Variants in SYMPK observed in about 807,000 individuals in gnomAD.
The protein encoded by SYMPK is symplekin scaffold protein, also known as symplekin.
SYMPK carries 49 observed loss-of-function variants against 136.4 expected under a neutral mutation model. The ratio of observed to expected loss-of-function variants is 0.36; its 90% CI spans 0.29 to 0.46. The LOEUF (loss-of-function observed/expected upper bound fraction) is 0.46, where lower values mean the gene tolerates loss of function less well. Ranked by LOEUF, SYMPK falls within the 20% of genes least tolerant of loss-of-function variation. The pLI, the probability that SYMPK is intolerant of heterozygous loss-of-function variation, is 1.00. For missense variants in SYMPK, 1,365 were observed against 1,690.0 expected (o/e 0.81, Z 3.37); for synonymous variants, 766 against 713.0 (o/e 1.07, Z -1.19).
chr19:45,845,894 G>A (rs574748277), intron 7 of SYMPK, among the ~76,000 whole-genome samples: 1 of 152,256 alleles, frequency 6.6e-6, no homozygotes, highest in South Asian at 2.1e-4. Context: ...CACTTTAACT[G>A]GGGTGAGACA....
intron 1 of SYMPK, among the ~76,000 whole-genome samples, chr19:45,860,962 T>C (rs1234308902): frequency 2.0e-5 from 3 of 152,372 alleles, no homozygotes; most frequent in East Asian, 3.9e-4. Flanking sequence ...GCAGCATGGC[T>C]GCATATCTTC....
rs1474870873 is a variant in SYMPK, at chr19:45,822,224, T to C, written c.2791+532A>G. On this transcript the variant is annotated intron_variant, in intron 21 of 26. Coordinates refer to ENST00000245934, the MANE Select transcript of SYMPK (RefSeq NM_004819.3). ...AGCTCCGCCTCCCGGGTTCATGCCA[T>C]TCTCCTGCCTCAGCCTCCCGAGTAG... Among the ~76,000 whole-genome samples the C allele has an allele frequency of 2.7e-5, 4 of 149,894 alleles. No homozygotes were observed. The East Asian group carries it at 8.1e-4, about 30-fold the overall frequency.
chr19:45,817,676 G>A (rs1286017641), intron 23 of SYMPK, among the ~76,000 whole-genome samples: 1 of 152,142 alleles, frequency 6.6e-6, no homozygotes, highest in East Asian at 1.9e-4. Context: ...GATGCATCCT[G>A]GCCGGGCACA....
rs1324534157 is a variant in SYMPK at position 45,859,960 on chromosome 19, A to C, written c.-13+3098T>G. On this transcript the variant is annotated intron_variant, in intron 1 of 26. Coordinates refer to ENST00000245934, the MANE Select transcript of SYMPK (RefSeq NM_004819.3). ...ACACGGTAAGACTCCATCTAAAAAA[A>C]AAAAAAAAAAAAAAAAAAAATTAGC... 6.8e-5 allele frequency among the ~76,000 whole-genome samples: 10 copies of C among 146,106 alleles called. 1 individual carries two copies. Among genetic ancestry groups the C allele is most frequent in the African/African-American group, 2.7e-4 (10 of 37,244 alleles).
rs1023323415 is a variant in SYMPK at position 45,827,548 on chromosome 19, G to A, written c.2143C>T (p.His715Tyr). 11 of 1,614,030 alleles carry A rather than the reference G, an allele frequency of 6.8e-6. No homozygotes were observed. Among genetic ancestry groups the A allele is most frequent in the African/African-American group, 1.3e-5 (1 of 74,932 alleles). The change falls in exon 16 of 27, where the codon CAT becomes TAT. Residue 715 changes from histidine (H) to tyrosine (Y), a missense_variant. Physicochemically the swap from His to Tyr is moderately conservative, Grantham distance 83 (BLOSUM62 2). This residue lies in a region of SYMPK where 303 missense variants were observed against 326.6 expected (regional missense o/e 0.93). Transcript: ENST00000245934. ...TGGGAGCTGAGGTCGAGGAGGACAT[G>A]CAGGTACTGGAACTGGCGGGACGGG... ...KRPSRQFQYL[H>Y]VLLDLSSHEK...
rs190986276 is a variant in SYMPK at position 45,844,666 on chromosome 19, C to T, written c.677-466G>A. Reference sequence around the variant, plus strand: ...CTCCAGCCTGGGTGACAGAGTTGGACTCCATATTAAAAAAAAAAAAAATTT... The same window carrying T: ...CTCCAGCCTGGGTGACAGAGTTGGATTCCATATTAAAAAAAAAAAAAATTT... On this transcript the variant is annotated intron_variant, in intron 7 of 26. Transcript: ENST00000245934. Among the ~76,000 whole-genome samples the T allele has an allele frequency of 4.7e-5, 7 of 148,950 alleles. No individual in the cohort carries two copies. The Admixed American group carries it at 4.7e-4, about 10-fold the overall frequency.
chr19:45,845,001 TCA>T (rs1263739748), intron 7 of SYMPK, among the ~76,000 whole-genome samples: 1 of 152,226 alleles, frequency 6.6e-6, no homozygotes, highest in African/African-American at 2.4e-5. Flanking sequence ...GGGGTCTCCA[TCA>T]CAAGCATTTA....
chr19:45,859,668 A>G (rs976389353), intron 1 of SYMPK, among the ~76,000 whole-genome samples: 1 of 151,274 alleles, frequency 6.6e-6, no homozygotes, highest in African/African-American at 2.4e-5. Flanking sequence ...GTGGCTCACA[A>G]TTGTAAACCC....
chr19:45,844,212 A>G lies in SYMPK; in HGVS notation c.677-12T>C, dbSNP rs1169615788. ...TTCCCATAGCACGTCTAAGAGACAGAGAGGAGAACCAGTCAGTGGGATCCG... is the reference window on the plus strand; with the variant it reads ...TTCCCATAGCACGTCTAAGAGACAGGGAGGAGAACCAGTCAGTGGGATCCG... On this transcript the variant is annotated splice_polypyrimidine_tract_variant and intron_variant, in intron 7 of 26. Coordinates refer to ENST00000245934, the MANE Select transcript of SYMPK (RefSeq NM_004819.3). 4 of 1,564,528 alleles carry G rather than the reference A, an allele frequency of 2.6e-6. No homozygotes were observed. In the African/African-American group the frequency reaches 4.1e-5, roughly 16 times the overall value.
intron 11 of SYMPK, among the ~76,000 whole-genome samples, chr19:45,834,164 T>C (rs1372515950): frequency 2.0e-5 from 3 of 152,176 alleles, no homozygotes; most frequent in Non-Finnish European, 4.4e-5. Context: ...GGCAGGCGCC[T>C]GTAGTCCCAG....
At chr19:45,847,676 G>A in intron 7 of SYMPK, 76 bp downstream of exon 7, 2 of 1,529,886 alleles carry the variant, frequency 1.3e-6, no homozygotes, top group South Asian at 1.2e-5. Flanking sequence ...AAAGACAAGG[G>A]GGAGAGAGGG....
chr19:45,851,690 A>G (rs571618241), intron 5 of SYMPK, among the ~76,000 whole-genome samples: 2 of 152,216 alleles, frequency 1.3e-5, no homozygotes, highest in East Asian at 1.9e-4. Context: ...CCTGGCCAAC[A>G]TTGCAAAACC....
chr19:45,857,927 T>A (rs1971873708), intron 1 of SYMPK, among the ~76,000 whole-genome samples: 1 of 151,812 alleles, frequency 6.6e-6, no homozygotes, highest in Non-Finnish European at 1.5e-5. Context: ...ATCTCCCAAG[T>A]AGCTGGGATT....
At chr19:45,837,140 A>G (rs1298258703) in intron 10 of SYMPK, among the ~76,000 whole-genome samples, 3 of 152,248 alleles carry the variant, frequency 2.0e-5, no homozygotes, top group Non-Finnish European at 4.4e-5. Flanking sequence ...ACAAAGAGCT[A>G]GTTATTTGAG....
rs1243172343 is a variant in SYMPK at position 45,823,810 on chromosome 19, T to C, written c.2556A>G (p.Ala852=). The C allele has an allele frequency of 6.2e-7, 1 of 1,614,002 alleles. No individual in the cohort carries two copies. The highest frequency in any genetic ancestry group is 8.5e-7 in the Non-Finnish European group (1 of 1,180,006). ...LLLVENCPKG[A]ETLVTRCLHS... is the part of the protein sequence containing the mutation. ...GCAGACATCTCGTGACCAGTGTCTC[T>C]GCTCCCTTGGGACAATTTTCCACCA... The change falls in exon 19 of 27, where the codon GCA becomes GCG. Residue 852 remains alanine (A), a synonymous_variant. Coordinates refer to ENST00000245934, the MANE Select transcript of SYMPK (RefSeq NM_004819.3).
At position 45,840,790 on chromosome 19, in the gene SYMPK, C is replaced by T. The variant is rs554349320; in HGVS notation, c.1087+1460G>A. On this transcript the variant is annotated intron_variant, in intron 9 of 26. Coordinates refer to ENST00000245934, the MANE Select transcript of SYMPK (RefSeq NM_004819.3). The stretch of plus-strand genomic sequence containing the variant: ...CCCGGGAGACAGAGGCTGCAGTGAG[C>T]CCAGATTACACCACTGCACTCCAAT... Among the ~76,000 whole-genome samples the T allele has an allele frequency of 4.6e-5, 7 of 151,930 alleles. No homozygotes were observed. The East Asian group carries it at 1.4e-3, about 30-fold the overall frequency.
chr19:45,855,410 C>T (rs1324584055), intron 1 of SYMPK: 1 of 152,122 alleles, frequency 6.6e-6, no homozygotes, highest in Admixed American at 6.6e-5. Context: ...AATTACACAA[C>T]TATTCATAAT....
intron 1 of SYMPK, among the ~76,000 whole-genome samples, chr19:45,857,620 T>A (rs1244768590): frequency 6.6e-6 from 1 of 150,542 alleles, no homozygotes; most frequent in Non-Finnish European, 1.5e-5. Flanking sequence ...GCCTCCCCAG[T>A]AGCTGGGACT....
intron 5 of SYMPK, 25 bp from the exon 6 acceptor site, chr19:45,848,901 G>A (rs1446906869): frequency 5.0e-6 from 8 of 1,613,424 alleles, no homozygotes; most frequent in East Asian, 4.5e-5. Context: ...AAAAAGGGGC[G>A]AGGTCAAGGT....
Sources: allele counts gnomAD v4.1 joint callset (sites outside exome capture counted in the v4.1 genomes callset), GRCh38; gene constraint gnomAD v4.1.1; regional missense constraint gnomAD v4.1.1; transcripts MANE v1.5; gene names NCBI Gene and HGNC (gene_info 2026-07-23, HGNC 2026-07-21).